The following MARCHF1 variants were observed in gnomAD, a reference collection of about 807,000 sequenced individuals.
MARCHF1 encodes the protein membrane associated ring-CH-type finger 1, also known as E3 ubiquitin-protein ligase MARCHF1.
MARCHF1 carries 40 observed loss-of-function variants against 54.2 expected under a neutral mutation model. The observed-to-expected ratio is 0.74, with a 90% CI of 0.57 to 0.96. The LOEUF (loss-of-function observed/expected upper bound fraction) is 0.96. MARCHF1 is among the 40% of genes least tolerant of loss of function. The pLI is 0.00. For synonymous variants in MARCHF1, 236 were observed against 236.3 expected, an observed-to-expected ratio of 1.00 and a Z score of 0.01; for missense variants, 586 against 656.5, an observed-to-expected ratio of 0.89 and a Z score of 1.17.
chr4:164,228,365 C>T (rs1732316311), intron 1 of MARCHF1, among the ~76,000 whole-genome samples: 1 of 152,100 alleles, frequency 6.6e-6, no homozygotes, highest in Non-Finnish European at 1.5e-5. Flanking sequence ...ATGAGTTGAC[C>T]TAATTGAATT....
intron 3 of MARCHF1, 61 bp from the exon 4 acceptor site, chr4:163,854,230 C>G (rs1276718038): frequency 1.6e-6 from 2 of 1,232,644 alleles, no homozygotes; most frequent in Non-Finnish European, 2.2e-6. Context: ...TTGGAAAATA[C>G]ATATAATCAA....
At chr4:163,870,469 A>G (rs981859650) in intron 3 of MARCHF1, among the ~76,000 whole-genome samples, 2 of 152,102 alleles carry the variant, frequency 1.3e-5, no homozygotes. Context: ...TGTTTTATAT[A>G]CCACAGAAAA....
rs116281013 is a variant in MARCHF1 at position 164,196,503 on chromosome 4, A to T, written c.-322-84841T>A. On this transcript the variant is annotated intron_variant, in intron 1 of 9. Transcript: ENST00000514618. Reference sequence around the variant, plus strand: ...TTTTAAAAATAGAATTTGCTTTAACAATACATTTACTGTAATTTGTTTTAA... The same window carrying T: ...TTTTAAAAATAGAATTTGCTTTAACTATACATTTACTGTAATTTGTTTTAA... Among the ~76,000 whole-genome samples the T allele has an allele frequency of 4.6e-3, 706 of 152,314 alleles. 5 individuals are homozygous for T. Among genetic ancestry groups the T allele is most frequent in the African/African-American group, 0.016 (651 of 41,590 alleles).
intron 2 of MARCHF1, among the ~76,000 whole-genome samples, chr4:164,063,989 A>G (rs1754674738): frequency 6.6e-6 from 1 of 152,090 alleles, no homozygotes; most frequent in Non-Finnish European, 1.5e-5. Flanking sequence ...GGTCTTATTC[A>G]TGAGTTCTCT....
At chr4:163,631,986 G>C (rs569718470) in intron 5 of MARCHF1, among the ~76,000 whole-genome samples, 28 of 152,226 alleles carry the variant, frequency 1.8e-4, no homozygotes, top group Non-Finnish European at 3.5e-4. Context: ...CACATGAAAA[G>C]ATGTTGAACA....
intron 4 of MARCHF1, among the ~76,000 whole-genome samples, chr4:163,757,218 T>C (rs924280020): frequency 6.6e-6 from 1 of 152,200 alleles, no homozygotes; most frequent in Non-Finnish European, 1.5e-5. Context: ...AGAGATCATA[T>C]GTGTGCAACC....
chr4:163,687,616 G>T (rs931313369), intron 5 of MARCHF1, among the ~76,000 whole-genome samples: 2 of 152,108 alleles, frequency 1.3e-5, no homozygotes, highest in African/African-American at 4.8e-5. Flanking sequence ...AAAATAAAGA[G>T]CCATTAAGTC....
chr4:163,851,329 T>A (rs1008323375), intron 4 of MARCHF1, among the ~76,000 whole-genome samples: 1 of 152,172 alleles, frequency 6.6e-6, no homozygotes, highest in Non-Finnish European at 1.5e-5. Context: ...GGAGACTTTA[T>A]AATGTCTTTC....
At chr4:163,759,038 A>C (rs976345923) in intron 4 of MARCHF1, among the ~76,000 whole-genome samples, 13 of 152,048 alleles carry the variant, frequency 8.5e-5, no homozygotes, top group African/African-American at 3.1e-4. Flanking sequence ...CAAAGTAATA[A>C]GTTTTATAAT....
chr4:163,841,201 T>C, intron 4 of MARCHF1, among the ~76,000 whole-genome samples: 1 of 152,078 alleles, frequency 6.6e-6, no homozygotes, highest in South Asian at 2.1e-4. Context: ...GGTGGAAACA[T>C]GCGATTATAA....
chr4:164,163,241 TA>T (rs1369156123), intron 1 of MARCHF1, among the ~76,000 whole-genome samples: 1 of 151,912 alleles, frequency 6.6e-6, no homozygotes, highest in Admixed American at 6.6e-5. Flanking sequence ...TAAGACTCTA[TA>T]AAAATTATTA....
intron 2 of MARCHF1, among the ~76,000 whole-genome samples, chr4:164,052,581 G>T (rs1050450926): frequency 6.6e-6 from 1 of 152,014 alleles, no homozygotes; most frequent in Non-Finnish European, 1.5e-5. Context: ...TTTGTTAGAA[G>T]TGCGCTATAA....
chr4:164,260,327 T>G (rs2111273870), intron 1 of MARCHF1, among the ~76,000 whole-genome samples: 1 of 152,212 alleles, frequency 6.6e-6, no homozygotes, highest in South Asian at 2.1e-4. Flanking sequence ...TTGCTTTGTT[T>G]TGAAGCAGTG....
intron 1 of MARCHF1, among the ~76,000 whole-genome samples, chr4:164,208,393 T>C (rs1560954718): frequency 6.6e-6 from 1 of 152,232 alleles, no homozygotes; most frequent in South Asian, 2.1e-4. Context: ...ATGAGCTTTA[T>C]TTAATGCACA....
chr4:163,556,014 T>C (rs988533034), intron 8 of MARCHF1: 2 of 455,458 alleles, frequency 4.4e-6, no homozygotes, highest in Admixed American at 2.4e-5. Context: ...AAATACCCAA[T>C]TTTACCCCAT....
At position 163,739,658 on chromosome 4, in the gene MARCHF1, T is replaced by C. The variant is rs17044083; in HGVS notation, c.112-38795A>G. ...TCATGTGAAATTCGTTAACATGACA[T>C]TCAGAATAAATTCTGAGGAGGAAAT... On this transcript the variant is annotated intron_variant, in intron 4 of 9. Coordinates refer to ENST00000514618, the MANE Select transcript of MARCHF1 (RefSeq NM_001394959.1). Among the ~76,000 whole-genome samples the C allele has an allele frequency of 8.9e-3, 1,348 of 152,290 alleles. 15 individuals carry two copies. The highest frequency in any genetic ancestry group is 0.031 in the African/African-American group (1,281 of 41,558).
intron 1 of MARCHF1, among the ~76,000 whole-genome samples, chr4:164,321,708 G>C (rs1405209367): frequency 6.6e-6 from 1 of 152,062 alleles, no homozygotes; most frequent in African/African-American, 2.4e-5. Context: ...CAAAGAGTCT[G>C]AGGGTATATT....
At chr4:163,618,847 G>T (rs896195940) in intron 5 of MARCHF1, among the ~76,000 whole-genome samples, 1 of 152,114 alleles carries the variant, frequency 6.6e-6, no homozygotes, top group African/African-American at 2.4e-5. Context: ...AATACAGTCT[G>T]GTATATCCTG....
At chr4:163,997,925 TACACACAC>T (rs5863648) in intron 2 of MARCHF1, among the ~76,000 whole-genome samples, 2,218 of 148,294 alleles carry the variant, frequency 0.015, 46 homozygotes, top group African/African-American at 0.048. Flanking sequence ...TTGCCTTAAA[TACACACAC>T]ACACACACAC....
Sources: gnomAD v4.1 joint callset for allele counts (sites outside exome capture counted in the v4.1 genomes callset) on GRCh38, gnomAD v4.1.1 for gene constraint, MANE v1.5 for transcripts, NCBI Gene and HGNC (gene_info 2026-07-23, HGNC 2026-07-21) for gene names.